GLRB: variants seen among roughly 807,000 people sequenced by gnomAD.
GLRB encodes the protein glycine receptor subunit beta.
In GLRB, 33 loss-of-function variants were observed where a neutral mutation model predicts 54.2. That is an observed-to-expected ratio of 0.61 (90% CI 0.46 to 0.81). The LOEUF is 0.81. Ranked by LOEUF, GLRB falls within the 40% of genes least tolerant of loss-of-function variation. GLRB has a pLI of 0.00. For synonymous variants in GLRB, 209 were observed against 208.2 expected, an observed-to-expected ratio of 1.00 and a Z score of -0.03; for missense variants, 572 against 584.6, an observed-to-expected ratio of 0.98 and a Z score of 0.22.
intron 9 of GLRB, among the ~76,000 whole-genome samples, chr4:157,153,709 T>C (rs1737115469): frequency 6.6e-6 from 1 of 152,220 alleles, no homozygotes; most frequent in African/African-American, 2.4e-5. Flanking sequence ...GCTGTCCATT[T>C]ACCCCAATGT....
intron 2 of GLRB, among the ~76,000 whole-genome samples, chr4:157,096,925 C>G (rs1734834711): frequency 6.6e-6 from 1 of 152,176 alleles, no homozygotes; most frequent in African/African-American, 2.4e-5. Flanking sequence ...GTAATTTACT[C>G]AAGGAGCTGT....
intron 2 of GLRB, among the ~76,000 whole-genome samples, chr4:157,115,311 T>C (rs955780162): frequency 7.2e-6 from 1 of 139,510 alleles, no homozygotes; most frequent in African/African-American, 2.9e-5. Context: ...AGATACCTGC[T>C]CTTTAAAAAA....
chr4:157,153,569 C>A (rs1022843219), intron 9 of GLRB, among the ~76,000 whole-genome samples: 6 of 152,160 alleles, frequency 3.9e-5, no homozygotes, highest in Non-Finnish European at 8.8e-5. Context: ...TCCCTCCCAG[C>A]AGTGAGTGGC....
intron 2 of GLRB, among the ~76,000 whole-genome samples, chr4:157,110,495 A>G (rs926014758): frequency 6.6e-6 from 1 of 151,948 alleles, no homozygotes; most frequent in African/African-American, 2.4e-5. Flanking sequence ...GCTTCACTTT[A>G]AAATTTTCTC....
Position 157,143,871 on chromosome 4 carries a change from G to T in GLRB, c.816G>T (p.Gly272=). Residue 272 remains glycine (G), a synonymous_variant, in exon 8 of 10, where the codon GGG becomes GGT. Transcript: ENST00000264428. ...GGCAGGTCGGCTTTTACATGATGGG[G>T]GTCTACGCCCCAACTCTGCTCATTG... The part of the protein sequence containing the change: ...LRRQVGFYMM[G]VYAPTLLIVV... 6.2e-7 allele frequency: 1 copy of T among 1,613,718 alleles called. No homozygotes were observed. The highest frequency in any genetic ancestry group is 1.3e-5 in the African/African-American group (1 of 74,996).
chr4:157,121,456 ATT>A (rs34471702), intron 3 of GLRB, among the ~76,000 whole-genome samples: 27 of 136,300 alleles, frequency 2.0e-4, no homozygotes, highest in African/African-American at 3.4e-4. Flanking sequence ...ATAAGGCTTG[ATT>A]TTTTTTTTTT....
chr4:157,076,982 G>GC (rs1277560937), intron 1 of GLRB, among the ~76,000 whole-genome samples: 2 of 104,250 alleles, frequency 1.9e-5, no homozygotes, highest in East Asian at 3.5e-4. Flanking sequence ...TGGGGGGGGG[G>GC]GGGGAAGATG....
chr4:157,166,613 A>G (rs7662298), intron 9 of GLRB, among the ~76,000 whole-genome samples: 23,081 of 152,002 alleles, frequency 0.15, 3,180 homozygotes, highest in African/African-American at 0.37. Flanking sequence ...TACTTCTGTA[A>G]TAGAGGTTCC....
chr4:157,128,136 A>G (rs1024004328), intron 4 of GLRB, among the ~76,000 whole-genome samples: 20 of 151,740 alleles, frequency 1.3e-4, no homozygotes, highest in Admixed American at 1.1e-3. Context: ...AATTACTTAA[A>G]CCTCTCACTC....
intron 2 of GLRB, among the ~76,000 whole-genome samples, chr4:157,092,540 T>C (rs1734657746): frequency 6.6e-6 from 1 of 152,238 alleles, no homozygotes; most frequent in Non-Finnish European, 1.5e-5. Context: ...TAGTTAAATA[T>C]AGAACACCTA....
chr4:157,091,673 C>T (rs749711141), intron 2 of GLRB, among the ~76,000 whole-genome samples: 33 of 152,164 alleles, frequency 2.2e-4, no homozygotes, highest in Admixed American at 3.9e-4. Flanking sequence ...ATAGTGTCAA[C>T]GTGAGTGATG....
intron 2 of GLRB, among the ~76,000 whole-genome samples, chr4:157,105,413 A>G (rs1325893573): frequency 6.6e-6 from 1 of 152,070 alleles, no homozygotes; most frequent in Non-Finnish European, 1.5e-5. Flanking sequence ...TTCTTAAACT[A>G]TGTAAGACTT....
chr4:157,167,724 AC>A (rs1218380904), intron 9 of GLRB, among the ~76,000 whole-genome samples: 1 of 152,132 alleles, frequency 6.6e-6, no homozygotes, highest in Non-Finnish European at 1.5e-5. Context: ...TAAAGGAAAT[AC>A]GTGAGGCTGT....
chr4:157,098,021 CA>C (rs529169163), intron 2 of GLRB, among the ~76,000 whole-genome samples: 157 of 141,226 alleles, frequency 1.1e-3, no homozygotes, highest in South Asian at 4.9e-3. Context: ...GACTTTGTCT[CA>C]AAAAAAAAAA....
At chr4:157,080,249 A>G (rs1734177613) in intron 2 of GLRB, among the ~76,000 whole-genome samples, 1 of 152,166 alleles carries the variant, frequency 6.6e-6, no homozygotes, top group Non-Finnish European at 1.5e-5. Flanking sequence ...AAGACCCAAC[A>G]TATACCTGTT....
At chr4:157,154,076 T>C (rs1222954648) in intron 9 of GLRB, among the ~76,000 whole-genome samples, 1 of 152,210 alleles carries the variant, frequency 6.6e-6, no homozygotes, top group African/African-American at 2.4e-5. Context: ...AGCTGAAACC[T>C]TCAGGGAGGC....
At chr4:157,112,076 CT>C (rs34390735) in intron 2 of GLRB, among the ~76,000 whole-genome samples, 10,845 of 146,046 alleles carry the variant, frequency 0.074, 498 homozygotes, top group African/African-American at 0.13. Context: ...AATTCCATGT[CT>C]TTTTTTTTTT....
chr4:157,095,564 C>G (rs1734779232), intron 2 of GLRB, among the ~76,000 whole-genome samples: 1 of 151,890 alleles, frequency 6.6e-6, no homozygotes, highest in Non-Finnish European at 1.5e-5. Flanking sequence ...AGTGACTTAG[C>G]TAGAAAAGTA....
intron 2 of GLRB, chr4:157,078,381 A>G: frequency 4.7e-6 from 1 of 212,050 alleles, no homozygotes; most frequent in Non-Finnish European, 8.1e-6. Flanking sequence ...ATGGGTTTAT[A>G]TAATTTTTAT....
Sources: gnomAD v4.1 joint callset for allele counts (sites outside exome capture counted in the v4.1 genomes callset) on GRCh38, gnomAD v4.1.1 for gene constraint, MANE v1.5 for transcripts, NCBI Gene and HGNC (gene_info 2026-07-23, HGNC 2026-07-21) for gene names.